ENKUR: variants seen among roughly 807,000 people sequenced by gnomAD.
ENKUR encodes the protein enkurin.
Under a neutral mutation model 27.6 loss-of-function variants are expected in ENKUR, and 19 were observed. The ratio of observed to expected loss-of-function variants is 0.69; its 90% CI spans 0.48 to 1.01. ENKUR has a LOEUF of 1.01. Among genes scored for constraint, ENKUR ranks in the 50% least tolerant of loss-of-function variants. The pLI, the probability that ENKUR is intolerant of heterozygous loss-of-function variation, is 0.00. For missense variants in ENKUR, 312 were observed against 310.5 expected (o/e 1.00, Z -0.04); for synonymous variants, 117 against 96.9 (o/e 1.21, Z -1.22).
At chr10:25,035,422 G>T (rs1002486396) in intron 2 of ENKUR, among the ~76,000 whole-genome samples, 2 of 152,122 alleles carry the variant, frequency 1.3e-5, no homozygotes, top group African/African-American at 4.8e-5. Flanking sequence ...GGGCGTGGTG[G>T]TGCACACCTG....
At chr10:25,015,728 T>A (rs561815611) in intron 1 of ENKUR, 132 bp downstream of exon 1, 14 of 782,220 alleles carry the variant, frequency 1.8e-5, no homozygotes, top group African/African-American at 1.1e-4. Flanking sequence ...TAACAAGTTA[T>A]CCTCCAAGGC....
chr10:25,039,938 A>T (rs986807820), intron 2 of ENKUR, among the ~76,000 whole-genome samples: 2 of 36,468 alleles, frequency 5.5e-5, no homozygotes, highest in Admixed American at 3.0e-4. Flanking sequence ...TTAAAGTATT[A>T]AAAAAAAAAA....
At chr10:25,006,064 A>G (rs1164326078) in intron 1 of ENKUR, among the ~76,000 whole-genome samples, 1 of 152,230 alleles carries the variant, frequency 6.6e-6, no homozygotes, top group Non-Finnish European at 1.5e-5. Flanking sequence ...GTGATTAGAA[A>G]AATTTAAATT....
In ENKUR at chr10:24,984,272, G is replaced by A. The variant is rs1588643145; in HGVS notation, c.*98C>T. The stretch of plus-strand genomic sequence containing the variant: ...ACATCTTTTGCATTTGTGGAGCTCA[G>A]AAACAATGTGTTGGAGACAGTTTAG... On this transcript the variant is annotated 3_prime_UTR_variant, in exon 6 of 6. Transcript: ENST00000331161. The A allele has an allele frequency of 1.5e-6, 2 of 1,347,390 alleles. No homozygotes were observed. The highest frequency in any genetic ancestry group is 3.0e-5 in the South Asian group (2 of 67,748). 83.5% of individuals were successfully genotyped at this position (1,347,390 alleles called of 1,614,324 possible).
intron 2 of ENKUR, among the ~76,000 whole-genome samples, chr10:25,059,625 C>A (rs1177383773): frequency 6.6e-6 from 1 of 152,082 alleles, no homozygotes; most frequent in African/African-American, 2.4e-5. Context: ...CCACTGGGCA[C>A]CCCCCAAAAA....
chr10:25,016,486 G>C (rs1291130504), upstream of ENKUR, among the ~76,000 whole-genome samples: 1 of 152,232 alleles, frequency 6.6e-6, no homozygotes, highest in South Asian at 2.1e-4. Flanking sequence ...GAGACCACGA[G>C]GACGCAAGGC....
At chr10:25,058,169 C>T (rs1851281697) in intron 2 of ENKUR, among the ~76,000 whole-genome samples, 1 of 151,928 alleles carries the variant, frequency 6.6e-6, no homozygotes, top group Non-Finnish European at 1.5e-5. Flanking sequence ...CCTCCCTCTA[C>T]TTGTCCTCTA....
chr10:25,025,026 G>T, intron 2 of ENKUR: 3 of 1,614,192 alleles, frequency 1.9e-6, no homozygotes, highest in Non-Finnish European at 2.5e-6. Flanking sequence ...ATCATTTCCA[G>T]ATAGAAAAGG....
intron 2 of ENKUR, among the ~76,000 whole-genome samples, chr10:25,059,960 C>A (rs1244364362): frequency 6.6e-6 from 1 of 152,166 alleles, no homozygotes; most frequent in Non-Finnish European, 1.5e-5. Context: ...CCTCGGGCAG[C>A]CTTGTGTGCG....
rs1003073403 is a variant in ENKUR, at chr10:24,983,920, T to C, written c.*450A>G. ...AGCTCTACTAACATAAACTTATTGC[T>C]TAATAGATTATGTAATCTTACAAAT... On this transcript the variant is annotated 3_prime_UTR_variant, in exon 6 of 6. Transcript: ENST00000331161. The C allele has an allele frequency of 6.5e-6, 1 of 153,986 alleles. No individual in the cohort carries two copies. The highest frequency in any genetic ancestry group is 2.4e-5 in the African/African-American group (1 of 41,528). 9.5% of individuals were successfully genotyped at this position (153,986 alleles called of 1,614,324 possible). A position where few individuals can be genotyped will look rare whatever the true frequency, so the allele number is the denominator to read the frequency against.
At chr10:25,024,775 G>C in intron 2 of ENKUR, 1 of 1,614,168 alleles carries the variant, frequency 6.2e-7, no homozygotes, top group East Asian at 2.2e-5. Flanking sequence ...TTTAGCAGCA[G>C]TGTATGCCAA....
At chr10:24,992,826 A>G (rs12245312) in intron 3 of ENKUR, among the ~76,000 whole-genome samples, 2,593 of 152,288 alleles carry the variant, frequency 0.017, 69 homozygotes, top group African/African-American at 0.059. Flanking sequence ...CAATACAAAT[A>G]GACTCTGGGA....
chr10:25,004,230 A>G (rs1850259347), intron 1 of ENKUR, among the ~76,000 whole-genome samples: 1 of 152,180 alleles, frequency 6.6e-6, no homozygotes, highest in Admixed American at 6.5e-5. Context: ...TAGTGCTGCA[A>G]TGAACCTAGG....
At chr10:25,001,731 T>C (rs1850193250) in intron 1 of ENKUR, among the ~76,000 whole-genome samples, 1 of 152,186 alleles carries the variant, frequency 6.6e-6, no homozygotes, top group South Asian at 2.1e-4. Flanking sequence ...TCCTTCCATT[T>C]CTTTCCCCAT....
At chr10:24,991,564 C>T (rs1285098763) in intron 3 of ENKUR, among the ~76,000 whole-genome samples, 2 of 152,150 alleles carry the variant, frequency 1.3e-5, no homozygotes, top group Non-Finnish European at 1.5e-5. Flanking sequence ...AGTGGAACAA[C>T]GCAGAGTTTG....
chr10:25,032,753 A>G (rs1850951368), intron 2 of ENKUR, among the ~76,000 whole-genome samples: 2 of 152,156 alleles, frequency 1.3e-5, no homozygotes, highest in South Asian at 2.1e-4. Flanking sequence ...CCAAACTGCT[A>G]CTGCTGGTCT....
At chr10:25,015,221 C>T (rs1850538956) in intron 1 of ENKUR, among the ~76,000 whole-genome samples, 1 of 152,158 alleles carries the variant, frequency 6.6e-6, no homozygotes, top group Non-Finnish European at 1.5e-5. Context: ...TTAAGAGGTT[C>T]TAAGACCTAT....
intron 1 of ENKUR, among the ~76,000 whole-genome samples, chr10:25,009,203 T>C (rs1850383476): frequency 6.6e-6 from 1 of 152,028 alleles, no homozygotes; most frequent in Admixed American, 6.6e-5. Context: ...CATGTATACA[T>C]ATGTAACAAA....
chr10:24,998,518 G>A (rs1420828174), intron 2 of ENKUR, among the ~76,000 whole-genome samples: 1 of 151,976 alleles, frequency 6.6e-6, no homozygotes, highest in South Asian at 2.1e-4. Context: ...AAGACTACAG[G>A]TGCATGCCAT....
Sources: allele counts gnomAD v4.1 joint callset (sites outside exome capture counted in the v4.1 genomes callset), GRCh38; gene constraint gnomAD v4.1.1; transcripts MANE v1.5; gene names NCBI Gene and HGNC (gene_info 2026-07-23, HGNC 2026-07-21).